ADCY5: variants seen among roughly 807,000 people sequenced by gnomAD.
The protein encoded by ADCY5 is adenylate cyclase type 5.
Under a neutral mutation model 119.7 loss-of-function variants are expected in ADCY5, and 30 were observed. That is an observed-to-expected ratio of 0.25 (90% CI 0.19 to 0.34). The LOEUF (loss-of-function observed/expected upper bound fraction) is 0.34, where lower values mean the gene tolerates loss of function less well. ADCY5 is among the 10% of genes least tolerant of loss of function. The pLI, the probability that ADCY5 is intolerant of heterozygous loss-of-function variation, is 1.00. For synonymous variants in ADCY5, 753 were observed against 762.2 expected (o/e 0.99, Z 0.20); for missense variants, 1,324 against 1,775.2 (o/e 0.75, Z 4.57).
At chr3:123,430,441 C>T (rs554024074) in intron 1 of ADCY5, among the ~76,000 whole-genome samples, 1 of 152,254 alleles carries the variant, frequency 6.6e-6, no homozygotes, top group Admixed American at 6.5e-5. Flanking sequence ...CCCCACAGCA[C>T]TGTCTGCCAG....
chr3:123,408,690 T>C (rs1181508210), intron 1 of ADCY5, among the ~76,000 whole-genome samples: 1 of 132,848 alleles, frequency 7.5e-6, no homozygotes, highest in African/African-American at 2.8e-5. Context: ...GTTCTAGCTG[T>C]ACTCGGCCGG....
chr3:123,425,783 C>T (rs913501146), intron 1 of ADCY5, among the ~76,000 whole-genome samples: 2 of 134,426 alleles, frequency 1.5e-5, no homozygotes, highest in African/African-American at 5.5e-5. Flanking sequence ...GTTCTAGGGG[C>T]AGCCTGGCTC....
At chr3:123,310,914 G>A (rs1008367567) in intron 12 of ADCY5, among the ~76,000 whole-genome samples, 2 of 152,130 alleles carry the variant, frequency 1.3e-5, no homozygotes, top group African/African-American at 4.8e-5. Context: ...GAACAGGCCC[G>A]AGATAAAAAG....
intron 17 of ADCY5, among the ~76,000 whole-genome samples, chr3:123,295,498 G>C (rs1939443017): frequency 1.3e-5 from 2 of 152,198 alleles, no homozygotes; most frequent in Admixed American, 6.5e-5. Flanking sequence ...CACAGGGCAG[G>C]CAGCCTGGAG....
intron 1 of ADCY5, among the ~76,000 whole-genome samples, chr3:123,443,814 G>A (rs1315441508): frequency 6.6e-6 from 1 of 152,158 alleles, no homozygotes; most frequent in Non-Finnish European, 1.5e-5. Context: ...AACCATGTCA[G>A]GCAGATTGAA....
At position 123,448,582 on chromosome 3, in the gene ADCY5, C is replaced by T. The variant is rs1945874456; in HGVS notation, c.-37G>A. The T allele has an allele frequency of 4.0e-6, 5 of 1,262,448 alleles. No homozygotes were observed. The highest frequency in any genetic ancestry group is 4.2e-5 in the Admixed American group (1 of 23,804). The allele number at this position is 1,262,448 out of a possible 1,614,324, so 78.2% of individuals were successfully genotyped here. On this transcript the variant is annotated 5_prime_UTR_variant, in exon 1 of 21. Transcript: ENST00000462833. The stretch of plus-strand genomic sequence containing the variant: ...CCTCGTCGTCTCCTTCCTCCTCCCC[C>T]GGAAGCCGGGCCGGGGGTCTCCAAG...
intron 1 of ADCY5, among the ~76,000 whole-genome samples, chr3:123,368,876 TGAAAAGAA>T (rs1194197974): frequency 2.0e-5 from 3 of 152,004 alleles, no homozygotes. Flanking sequence ...AATACATGGA[TGAAAAGAA>T]AATTGAAGGC....
At chr3:123,285,109 G>A (rs758605422) in intron 20 of ADCY5, among the ~76,000 whole-genome samples, 3 of 152,170 alleles carry the variant, frequency 2.0e-5, no homozygotes, top group Non-Finnish European at 4.4e-5. Context: ...GCTGCAGCCC[G>A]TCTCCAAGTG....
chr3:123,354,335 C>G (rs1420273992), intron 1 of ADCY5, among the ~76,000 whole-genome samples: 1 of 152,200 alleles, frequency 6.6e-6, no homozygotes, highest in Admixed American at 6.5e-5. Context: ...GGTCCAGATG[C>G]TGCCACAGAA....
intron 19 of ADCY5, among the ~76,000 whole-genome samples, chr3:123,288,152 C>G (rs935576228): frequency 2.0e-5 from 3 of 152,190 alleles, no homozygotes; most frequent in Non-Finnish European, 4.4e-5. Flanking sequence ...AGCACTGTGC[C>G]TATGGGATAA....
chr3:123,406,997 C>T (rs1433515718), intron 1 of ADCY5, among the ~76,000 whole-genome samples: 2 of 152,158 alleles, frequency 1.3e-5, no homozygotes, highest in East Asian at 1.9e-4. Flanking sequence ...CAAAATGCCT[C>T]GCTTTGAAAC....
intron 1 of ADCY5, among the ~76,000 whole-genome samples, chr3:123,358,042 ACAGATAT>A (rs1466296921): frequency 1.3e-5 from 2 of 152,212 alleles, no homozygotes; most frequent in Non-Finnish European, 2.9e-5. Flanking sequence ...GTAAATAATA[ACAGATAT>A]CAGTCACTCT....
At chr3:123,348,653 G>A (rs2108485610) in intron 2 of ADCY5, among the ~76,000 whole-genome samples, 1 of 152,282 alleles carries the variant, frequency 6.6e-6, no homozygotes, top group East Asian at 1.9e-4. Context: ...TGGCAGGGGA[G>A]GTGGGAGAGA....
chr3:123,286,534 T>C lies in ADCY5; in HGVS notation c.3657+151A>G. 8.8e-7 allele frequency: 1 copy of C among 1,139,450 alleles called. No homozygotes were observed. The highest frequency in any genetic ancestry group is 1.6e-5 in the African/African-American group (1 of 64,234). 70.6% of individuals were successfully genotyped at this position (1,139,450 alleles called of 1,614,324 possible). Reference sequence around the variant, plus strand: ...GAAACACAATTGTGTTCTCCAAGCTTCCAAGACATCAGCGTCAACAGCCCC... The same window carrying C: ...GAAACACAATTGTGTTCTCCAAGCTCCCAAGACATCAGCGTCAACAGCCCC... On this transcript the variant is annotated intron_variant, in intron 20 of 20. Coordinates refer to ENST00000462833, the MANE Select transcript of ADCY5 (RefSeq NM_183357.3). This position sits in a 1 kb window ranked among gnomAD's most constrained non-coding sequence, Gnocchi z 4.2.
chr3:123,367,636 G>A (rs1943492685), intron 1 of ADCY5, among the ~76,000 whole-genome samples: 1 of 151,736 alleles, frequency 6.6e-6, no homozygotes, highest in South Asian at 2.1e-4. Flanking sequence ...CCGTGTAGGT[G>A]GAGGGAGGGG....
chr3:123,365,766 G>C (rs1313726964), intron 1 of ADCY5, among the ~76,000 whole-genome samples: 1 of 152,200 alleles, frequency 6.6e-6, no homozygotes, highest in African/African-American at 2.4e-5. Context: ...TAAGTCATGA[G>C]GTCATGAGGG....
rs199931069 is a variant in ADCY5 at position 123,340,289 on chromosome 3, C to CA, written c.1406+7492dup. On this transcript the variant is annotated intron_variant, in intron 3 of 20. Transcript: ENST00000462833. Reference sequence around the variant, plus strand: ...TGGGTGACAGACTGAGACTTTGTTTCAAAAAAAAAGTAGAATAAAAAAGAA... The same window carrying CA: ...TGGGTGACAGACTGAGACTTTGTTTCAAAAAAAAAAGTAGAATAAAAAAGAA... 2.1e-4 allele frequency among the ~76,000 whole-genome samples: 31 copies of CA among 149,344 alleles called. No individual in the cohort carries two copies. In the East Asian group the frequency reaches 3.1e-3, roughly 15 times the overall value.
intron 1 of ADCY5, among the ~76,000 whole-genome samples, chr3:123,415,863 G>A (rs1226415591): frequency 6.6e-6 from 1 of 152,142 alleles, no homozygotes; most frequent in Admixed American, 6.5e-5. Context: ...CATGCTAGGT[G>A]TATAGGGGTA....
chr3:123,313,320 G>A (rs1940695428), intron 12 of ADCY5, among the ~76,000 whole-genome samples: 1 of 152,210 alleles, frequency 6.6e-6, no homozygotes, highest in Admixed American at 6.5e-5. Context: ...TGGAGGGGAT[G>A]AAGGTCCAAT....
Sources: allele counts gnomAD v4.1 joint callset (sites outside exome capture counted in the v4.1 genomes callset), GRCh38; gene constraint gnomAD v4.1.1; non-coding constraint Gnocchi (gnomAD v3.1); transcripts MANE v1.5; gene names NCBI Gene and HGNC (gene_info 2026-07-23, HGNC 2026-07-21).